Variants in PPM1L observed in about 807,000 individuals in gnomAD.
PPM1L encodes protein phosphatase 1L.
Under a neutral mutation model 31.4 loss-of-function variants are expected in PPM1L, and 13 were observed. The observed-to-expected ratio is 0.41, with a 90% CI of 0.27 to 0.66. The LOEUF (loss-of-function observed/expected upper bound fraction) is 0.66, where lower values mean the gene tolerates loss of function less well. Among genes scored for constraint, PPM1L ranks in the 30% least tolerant of loss-of-function variants. The pLI, the probability that PPM1L is intolerant of heterozygous loss-of-function variation, is 0.29. For missense variants in PPM1L, 326 were observed against 453.7 expected (o/e 0.72, Z 2.56); for synonymous variants, 184 against 175.4 (o/e 1.05, Z -0.39).
intron 1 of PPM1L, among the ~76,000 whole-genome samples, chr3:160,811,946 G>T (rs1048650517): frequency 6.6e-6 from 1 of 152,218 alleles, no homozygotes; most frequent in Non-Finnish European, 1.5e-5. Context: ...CCCAGGGCTT[G>T]CCAGGCACTT....
chr3:161,007,245 G>A (rs79919067), intron 2 of PPM1L, among the ~76,000 whole-genome samples: 2,224 of 152,338 alleles, frequency 0.015, 28 homozygotes, highest in Middle Eastern at 0.037. Context: ...AGCGGGGCAA[G>A]GAATGCCAGG....
chr3:160,828,369 T>G (rs986587241), intron 1 of PPM1L, among the ~76,000 whole-genome samples: 3 of 152,134 alleles, frequency 2.0e-5, no homozygotes, highest in African/African-American at 7.2e-5. Context: ...TGACAGTGTT[T>G]AGAATTGGTA....
chr3:161,051,776 T>A (rs1389863413), intron 2 of PPM1L, among the ~76,000 whole-genome samples: 1 of 152,182 alleles, frequency 6.6e-6, no homozygotes, highest in Non-Finnish European at 1.5e-5. Context: ...AGTGACTGTG[T>A]TCTGTTTGGA....
chr3:160,781,919 A>G (rs1349150249), intron 1 of PPM1L, among the ~76,000 whole-genome samples: 1 of 152,142 alleles, frequency 6.6e-6, no homozygotes, highest in Non-Finnish European at 1.5e-5. Context: ...AAAATACTGT[A>G]TATGTATTTC....
Position 161,056,382 on chromosome 3 carries a change from T to C in PPM1L, c.575-9021T>C, listed in dbSNP as rs186315148. Among the ~76,000 whole-genome samples the C allele has an allele frequency of 3.1e-3, 467 of 152,282 alleles. 2 individuals are homozygous for C. Among genetic ancestry groups the C allele is most frequent in the African/African-American group, 0.011 (456 of 41,574 alleles). On this transcript the variant is annotated intron_variant, in intron 2 of 3. Transcript: ENST00000498165. ...TACCATCTTACTCTCTGTAACGGGA[T>C]TGTAAGTTCTATATTTTGTTTTATA...
intron 2 of PPM1L, among the ~76,000 whole-genome samples, chr3:160,987,510 A>G (rs1290436939): frequency 6.6e-6 from 1 of 152,224 alleles, no homozygotes; most frequent in Non-Finnish European, 1.5e-5. Flanking sequence ...CCAGAGGCCA[A>G]TTTAGCATCA....
intron 1 of PPM1L, among the ~76,000 whole-genome samples, chr3:160,900,849 A>G (rs75889513): frequency 0.076 from 11,494 of 152,204 alleles, 553 homozygotes; most frequent in African/African-American, 0.13. Context: ...CAGTATGATG[A>G]TACTGTGTCA....
chr3:160,761,063 G>A (rs1490618178), intron 1 of PPM1L, among the ~76,000 whole-genome samples: 2 of 152,186 alleles, frequency 1.3e-5, no homozygotes, highest in Non-Finnish European at 2.9e-5. Flanking sequence ...CTTTAGATCA[G>A]TGGTTCTTAA....
rs1719701893 is a variant in PPM1L at position 161,065,308 on chromosome 3, A to C, written c.575-95A>C. On this transcript the variant is annotated intron_variant, in intron 2 of 3. Transcript: ENST00000498165. ...AGTCAAATTCTCACCCAGCAGAAGC[A>C]ATTTTAATGACTGAAGAATCCAGTT... 1.3e-5 allele frequency: 17 copies of C among 1,261,856 alleles called. 1 individual carries two copies. In the South Asian group the frequency reaches 2.4e-4, roughly 18 times the overall value. The allele number at this position is 1,261,856 out of a possible 1,614,324, so 78.2% of individuals were successfully genotyped here.
intron 1 of PPM1L, among the ~76,000 whole-genome samples, chr3:160,830,688 G>A (rs1466052028): frequency 6.6e-6 from 1 of 152,116 alleles, no homozygotes; most frequent in Non-Finnish European, 1.5e-5. Context: ...CATTGCACGT[G>A]CTGCAGTGGA....
At chr3:160,977,943 G>T (rs994936522) in intron 2 of PPM1L, among the ~76,000 whole-genome samples, 1 of 152,134 alleles carries the variant, frequency 6.6e-6, no homozygotes, top group African/African-American at 2.4e-5. Flanking sequence ...CTGTGTATGG[G>T]ACATTGAACA....
At chr3:160,836,620 C>T (rs922965342) in intron 1 of PPM1L, among the ~76,000 whole-genome samples, 5 of 152,220 alleles carry the variant, frequency 3.3e-5, no homozygotes, top group Non-Finnish European at 5.9e-5. Flanking sequence ...CACTCATCCC[C>T]CTCCCCCATC....
chr3:160,875,994 A>G (rs1044582098), intron 1 of PPM1L, among the ~76,000 whole-genome samples: 3 of 152,178 alleles, frequency 2.0e-5, no homozygotes, highest in Admixed American at 2.0e-4. Flanking sequence ...ATTTGCTGTA[A>G]GTCCTAGTCT....
At chr3:161,064,093 A>G (rs1025044220) in intron 2 of PPM1L, among the ~76,000 whole-genome samples, 5 of 151,974 alleles carry the variant, frequency 3.3e-5, no homozygotes, top group Non-Finnish European at 5.9e-5. Context: ...CTTAGATGAC[A>G]GGTTGATGGG....
chr3:160,924,795 C>G (rs1714530592), intron 1 of PPM1L, among the ~76,000 whole-genome samples: 1 of 152,144 alleles, frequency 6.6e-6, no homozygotes, highest in South Asian at 2.1e-4. Context: ...CCATATAGGA[C>G]AGAGATAGGT....
chr3:161,046,110 CAA>C (rs58794623), intron 2 of PPM1L, among the ~76,000 whole-genome samples: 516 of 50,212 alleles, frequency 0.01, no homozygotes, highest in African/African-American at 0.045. Flanking sequence ...GACTCTGTCT[CAA>C]AAAAAAAAAA....
chr3:161,022,315 T>C (rs998701734), intron 2 of PPM1L: 2 of 435,734 alleles, frequency 4.6e-6, no homozygotes, highest in Middle Eastern at 3.1e-4. Flanking sequence ...CCAAATTATA[T>C]GCTTATACAT....
chr3:160,890,141 G>A (rs926528711), intron 1 of PPM1L, among the ~76,000 whole-genome samples: 2 of 152,164 alleles, frequency 1.3e-5, no homozygotes, highest in Non-Finnish European at 2.9e-5. Flanking sequence ...GGAAGTTTTG[G>A]CCAGAGCTAT....
chr3:160,838,437 T>C (rs1713779974), intron 1 of PPM1L, among the ~76,000 whole-genome samples: 1 of 152,178 alleles, frequency 6.6e-6, no homozygotes, highest in African/African-American at 2.4e-5. Context: ...ATAGCATGTT[T>C]AAAGGAAAAT....
Sources: allele counts gnomAD v4.1 joint callset (sites outside exome capture counted in the v4.1 genomes callset), GRCh38; gene constraint gnomAD v4.1.1; transcripts MANE v1.5; gene names NCBI Gene and HGNC (gene_info 2026-07-23, HGNC 2026-07-21).